Variants in PAK3 observed in about 807,000 individuals in gnomAD.
PAK3 encodes the protein serine/threonine-protein kinase PAK 3.
A neutral mutation model predicts 41.0 loss-of-function variants in PAK3; 4 were observed. That is an observed-to-expected ratio of 0.10 (90% CI 0.05 to 0.22). The LOEUF (loss-of-function observed/expected upper bound fraction) is 0.22. Among genes scored for constraint, PAK3 ranks in the 10% least tolerant of loss-of-function variants. The pLI, the probability that PAK3 is intolerant of heterozygous loss-of-function variation, is 1.00. For missense variants in PAK3, 205 were observed against 409.9 expected (o/e 0.50, Z 4.32); for synonymous variants, 146 against 139.6 (o/e 1.05, Z -0.32).
chrX:111,078,269 TTG>T (rs2092804293), intron 1 of PAK3, among the ~76,000 whole-genome samples: 1 of 110,029 alleles, frequency 9.1e-6, no homozygotes, highest in Admixed American at 9.6e-5. Context: ...TTGTTTTGTT[TTG>T]TTTTTTTTTT....
chrX:111,085,796 C>T (rs1277346181), intron 1 of PAK3, among the ~76,000 whole-genome samples: 1 of 111,462 alleles, frequency 9.0e-6, no homozygotes, highest in Non-Finnish European at 1.9e-5. Context: ...ATACACAGAA[C>T]CTAAAAGGAG....
At chrX:111,097,920 C>A (rs1312589256) in intron 3 of PAK3, among the ~76,000 whole-genome samples, 1 of 111,252 alleles carries the variant, frequency 9.0e-6, no homozygotes, top group African/African-American at 3.3e-5. Context: ...AGGAGGTAGC[C>A]TGGGCAAGAG....
intron 1 of PAK3, among the ~76,000 whole-genome samples, chrX:111,051,259 C>G (rs1399694324): frequency 8.9e-6 from 1 of 111,755 alleles, no homozygotes; most frequent in Non-Finnish European, 1.9e-5. Flanking sequence ...AGAAAAATGC[C>G]TGGCCATAGT....
intron 1 of PAK3, among the ~76,000 whole-genome samples, chrX:111,048,508 C>T (rs1331211585): frequency 9.0e-6 from 1 of 111,436 alleles, no homozygotes; most frequent in Non-Finnish European, 1.9e-5. Flanking sequence ...GCCAAAAACA[C>T]CCTCTTGATC....
intron 16 of PAK3, among the ~76,000 whole-genome samples, chrX:111,215,538 C>CAA (rs375192604): frequency 1.4e-4 from 15 of 104,028 alleles, no homozygotes; most frequent in Non-Finnish European, 2.4e-4. Flanking sequence ...GATTCCGTCT[C>CAA]AAAAAAAAAA....
At chrX:111,030,685 A>T (rs1002205167) in intron 1 of PAK3, among the ~76,000 whole-genome samples, 19 of 110,933 alleles carry the variant, frequency 1.7e-4, no homozygotes, top group Non-Finnish European at 3.4e-4. Context: ...CTATTGCTAG[A>T]CTGAGAAAAA....
At chrX:111,024,572 A>C in intron 1 of PAK3, among the ~76,000 whole-genome samples, 1 of 111,257 alleles carries the variant, frequency 9.0e-6, no homozygotes, top group Non-Finnish European at 1.9e-5. Context: ...ATTATATAAT[A>C]ATAAAAGGAC....
chrX:111,129,537 CCCGTGTTGAAAT>C (rs2093690993), intron 5 of PAK3, among the ~76,000 whole-genome samples: 1 of 111,089 alleles, frequency 9.0e-6, no homozygotes, highest in African/African-American at 3.3e-5. Flanking sequence ...TCCTAGGAAA[CCCGTGTTGAAAT>C]GGGAAGAAGG....
intron 6 of PAK3, among the ~76,000 whole-genome samples, chrX:111,146,901 C>G (rs967898999): frequency 1.8e-5 from 2 of 111,742 alleles, no homozygotes; most frequent in South Asian, 7.6e-4. Flanking sequence ...AAGCTAACCT[C>G]TAATTTTTGC....
chrX:111,187,831 T>C (rs1454281720), intron 11 of PAK3, among the ~76,000 whole-genome samples: 1 of 109,652 alleles, frequency 9.1e-6, no homozygotes, highest in Non-Finnish European at 1.9e-5. Context: ...AACTTATTGG[T>C]CAGAGCAGGG....
chrX:111,007,259 C>G (rs2091946670), intron 1 of PAK3, among the ~76,000 whole-genome samples: 1 of 111,441 alleles, frequency 9.0e-6, no homozygotes, highest in South Asian at 3.8e-4. Flanking sequence ...AGAAAGTCTG[C>G]AGTGGGGCCC....
intron 1 of PAK3, among the ~76,000 whole-genome samples, chrX:111,033,952 A>C (rs1251209602): frequency 9.0e-6 from 1 of 111,196 alleles, no homozygotes; most frequent in Non-Finnish European, 1.9e-5. Flanking sequence ...CCACTGTCTC[A>C]TCCCTTAGGT....
intron 1 of PAK3, among the ~76,000 whole-genome samples, chrX:111,084,276 G>A (rs909916245): frequency 8.9e-5 from 10 of 112,086 alleles, no homozygotes; most frequent in African/African-American, 2.6e-4. Flanking sequence ...GGAGGGCAAG[G>A]GCCAGGTCTA....
intron 8 of PAK3, among the ~76,000 whole-genome samples, chrX:111,159,249 G>A (rs1267531678): frequency 9.0e-6 from 1 of 111,384 alleles, no homozygotes; most frequent in Non-Finnish European, 1.9e-5. Context: ...TTAATATAAT[G>A]AAATTTCTTT....
intron 1 of PAK3, among the ~76,000 whole-genome samples, chrX:111,041,922 A>G (rs1232279631): frequency 9.0e-6 from 1 of 111,647 alleles, no homozygotes; most frequent in Admixed American, 9.5e-5. Context: ...TACTGCATAT[A>G]TATACTTTTT....
chrX:111,076,115 G>A (rs773294952), intron 1 of PAK3, among the ~76,000 whole-genome samples: 98 of 111,879 alleles, frequency 8.8e-4, no homozygotes, highest in Non-Finnish European at 1.5e-3. Flanking sequence ...TGAGACTTTG[G>A]ACTTTGGAGT....
At chrX:110,954,327 C>T (rs1181265259) in intron 1 of PAK3, among the ~76,000 whole-genome samples, 5 of 112,317 alleles carry the variant, frequency 4.5e-5, no homozygotes, top group African/African-American at 1.6e-4. Flanking sequence ...AGGTATTGCA[C>T]TGCTCTTTGC....
At chrX:111,065,548 A>T (rs756308402) in intron 1 of PAK3, among the ~76,000 whole-genome samples, 9 of 110,860 alleles carry the variant, frequency 8.1e-5, no homozygotes, top group Non-Finnish European at 1.7e-4. Flanking sequence ...CTGGGTTTGG[A>T]TATCAGGGTG....
intron 10 of PAK3, among the ~76,000 whole-genome samples, chrX:111,164,995 G>T (rs2094237722): frequency 9.0e-6 from 1 of 111,457 alleles, no homozygotes; most frequent in Non-Finnish European, 1.9e-5. Flanking sequence ...AATGTCTGGA[G>T]AATATTTTTA....
Sources: gnomAD v4.1 joint callset for allele counts (sites outside exome capture counted in the v4.1 genomes callset) on GRCh38, gnomAD v4.1.1 for gene constraint, MANE v1.5 for transcripts, NCBI Gene and HGNC (gene_info 2026-07-23, HGNC 2026-07-21) for gene names.